Variants in PROKR1 observed in about 807,000 individuals in gnomAD.
PROKR1 encodes the protein prokineticin receptor 1.
A neutral mutation model predicts 22.8 loss-of-function variants in PROKR1; 21 were observed. That is an observed-to-expected ratio of 0.92 (90% confidence interval 0.65 to 1.32). The LOEUF (loss-of-function observed/expected upper bound fraction) is 1.32, where lower values mean the gene tolerates loss of function less well. PROKR1 is among the 40% of genes most tolerant of loss of function. The pLI is 0.00. For synonymous variants in PROKR1, 193 were observed against 207.5 expected (o/e 0.93, Z 0.60); for missense variants, 548 against 514.2 (o/e 1.07, Z -0.64).
chr2:68,653,141 G>C (rs1673370943), intron 2 of PROKR1, among the ~76,000 whole-genome samples: 1 of 152,334 alleles, frequency 6.6e-6, no homozygotes, highest in East Asian at 1.9e-4. Flanking sequence ...TACATCAGGA[G>C]CACCGCGATC....
chr2:68,649,893 C>G (rs1244626298), intron 2 of PROKR1, among the ~76,000 whole-genome samples: 1 of 151,886 alleles, frequency 6.6e-6, no homozygotes, highest in Non-Finnish European at 1.5e-5. Flanking sequence ...TCCATGTGGC[C>G]CGAGGGAAGT....
Position 68,645,685 on chromosome 2 carries a change from A to G in PROKR1, c.-137A>G. On this transcript the variant is annotated 5_prime_UTR_variant, in exon 2 of 3. Coordinates refer to ENST00000303786, the MANE Select transcript of PROKR1 (RefSeq NM_138964.4). Reference sequence around the variant, plus strand: ...AGGTTTAGAATGGAGCTCAGATACCATACCCCAAAGATGCTGGCAGAGACA... The same window carrying G: ...AGGTTTAGAATGGAGCTCAGATACCGTACCCCAAAGATGCTGGCAGAGACA... 1.6e-6 allele frequency: 2 copies of G among 1,226,802 alleles called. No individual in the cohort carries two copies. The highest frequency in any genetic ancestry group is 2.3e-6 in the Non-Finnish European group (2 of 851,626). 76.0% of individuals were successfully genotyped at this position (1,226,802 alleles called of 1,614,324 possible).
chr2:68,647,951 G>A (rs1006881693), intron 2 of PROKR1, among the ~76,000 whole-genome samples: 29 of 152,150 alleles, frequency 1.9e-4, no homozygotes, highest in Non-Finnish European at 2.6e-4. Context: ...TATCTACTTC[G>A]TAGGTTCCTT....
At chr2:68,650,631 G>A (rs530965192) in intron 2 of PROKR1, among the ~76,000 whole-genome samples, 43 of 152,176 alleles carry the variant, frequency 2.8e-4, no homozygotes, top group Non-Finnish European at 5.3e-4. Context: ...GAGAGTAAAA[G>A]GTTATAAAAG....
chr2:68,650,706 G>A (rs1413495249), intron 2 of PROKR1, among the ~76,000 whole-genome samples: 1 of 152,124 alleles, frequency 6.6e-6, no homozygotes, highest in Non-Finnish European at 1.5e-5. Flanking sequence ...GGTGGGACCA[G>A]GGAGAACTAA....
Position 68,645,698 on chromosome 2 carries a change from G to A in PROKR1, c.-124G>A, listed in dbSNP as rs987645480. The A allele has an allele frequency of 1.3e-5, 18 of 1,336,558 alleles. No homozygotes were observed. Among genetic ancestry groups the A allele is most frequent in the Non-Finnish European group, 1.9e-5 (18 of 942,680 alleles). The allele number at this position is 1,336,558 out of a possible 1,614,324, so 82.8% of individuals were successfully genotyped here. On this transcript the variant is annotated 5_prime_UTR_variant, in exon 2 of 3. An upstream start codon of the reference 5' UTR is lost. Transcript: ENST00000303786. Reference sequence around the variant, plus strand: ...AGCTCAGATACCATACCCCAAAGATGCTGGCAGAGACATTCTGACTCATTA... The same window carrying A: ...AGCTCAGATACCATACCCCAAAGATACTGGCAGAGACATTCTGACTCATTA...
At chr2:68,650,399 A>G (rs1044615136) in intron 2 of PROKR1, among the ~76,000 whole-genome samples, 14 of 152,148 alleles carry the variant, frequency 9.2e-5, no homozygotes, top group African/African-American at 3.1e-4. Flanking sequence ...GGCTTTTTAT[A>G]TATTAAAAAT....
chr2:68,655,654 C>A lies in PROKR1; in HGVS notation c.*78C>A. ...CTAGTGTGCTTGGATGCACATCAAC[C>A]TGGAACTTTTTGTTTGCTGCAGAGG... On this transcript the variant is annotated 3_prime_UTR_variant, in exon 3 of 3. Transcript: ENST00000303786. 7.0e-7 allele frequency: 1 copy of A among 1,419,752 alleles called. No individual in the cohort carries two copies. The highest frequency in any genetic ancestry group is 9.8e-7 in the Non-Finnish European group (1 of 1,024,518). 87.9% of individuals were successfully genotyped at this position (1,419,752 alleles called of 1,614,324 possible).
In PROKR1 at chr2:68,657,894, T is replaced by C. The variant is rs927281803; in HGVS notation, c.*2318T>C. On this transcript the variant is annotated 3_prime_UTR_variant, in exon 3 of 3. Transcript: ENST00000303786. The stretch of plus-strand genomic sequence containing the variant: ...TCTTGGAGAGTAAAATTAATTAAAA[T>C]ATTAGCCTAAATCAAAAATGCATTG... 2 of 152,224 alleles carry C rather than the reference T, an allele frequency of 1.3e-5. No homozygotes were observed. The highest frequency in any genetic ancestry group is 4.8e-5 in the African/African-American group (2 of 41,454). The allele number at this position is 152,224 out of a possible 1,614,324, so 9.4% of individuals were successfully genotyped here. A position where few individuals can be genotyped will look rare whatever the true frequency, so the allele number is the denominator to read the frequency against.
intron 2 of PROKR1, among the ~76,000 whole-genome samples, chr2:68,653,100 TTG>T (rs1673370282): frequency 6.6e-6 from 1 of 152,206 alleles, no homozygotes; most frequent in East Asian, 1.9e-4. Flanking sequence ...TCCATTTTCA[TTG>T]TGAGTCAGGG....
chr2:68,649,005 A>T (rs1673248675), intron 2 of PROKR1, among the ~76,000 whole-genome samples: 1 of 152,252 alleles, frequency 6.6e-6, no homozygotes, highest in East Asian at 1.9e-4. Flanking sequence ...AGCAATAAAT[A>T]AACAGTGGAT....
At chr2:68,648,354 A>G (rs1335189738) in intron 2 of PROKR1, among the ~76,000 whole-genome samples, 2 of 152,202 alleles carry the variant, frequency 1.3e-5, no homozygotes, top group Non-Finnish European at 2.9e-5. Flanking sequence ...TACCAAACAG[A>G]GCTTGTCTGA....
chr2:68,651,324 C>T (rs895805714), intron 2 of PROKR1, among the ~76,000 whole-genome samples: 9 of 152,190 alleles, frequency 5.9e-5, no homozygotes, highest in African/African-American at 2.2e-4. Context: ...TATCATGCCA[C>T]TGCACTCCAG....
In PROKR1 at chr2:68,653,916, T is replaced by C. The variant is rs1673389485; in HGVS notation, c.486-964T>C. On this transcript the variant is annotated intron_variant, in intron 2 of 2. Coordinates refer to ENST00000303786, the MANE Select transcript of PROKR1 (RefSeq NM_138964.4). The stretch of plus-strand genomic sequence containing the variant: ...AGAAAAAAAAATACATTCACGTATA[T>C]TCTCAATTGATTTTCACATCAATCC... Among the ~76,000 whole-genome samples, 5 of 152,308 alleles carry C rather than the reference T, an allele frequency of 3.3e-5. No homozygotes were observed. In the South Asian group the frequency reaches 6.2e-4, roughly 19 times the overall value.
Position 68,658,044 on chromosome 2 carries a change from G to C in PROKR1, c.*2468G>C, listed in dbSNP as rs1442223371. The C allele has an allele frequency of 6.6e-6, 1 of 152,162 alleles. No homozygotes were observed. Among genetic ancestry groups the C allele is most frequent in the Non-Finnish European group, 1.5e-5 (1 of 68,020 alleles). The allele number at this position is 152,162 out of a possible 1,614,324, so 9.4% of individuals were successfully genotyped here. On this transcript the variant is annotated 3_prime_UTR_variant, in exon 3 of 3. Coordinates refer to ENST00000303786, the MANE Select transcript of PROKR1 (RefSeq NM_138964.4). The stretch of plus-strand genomic sequence containing the variant: ...TCATTATGTTCACCGCTTTCATTAA[G>C]AATGCTAAACAAGAGTTGATTGTAT...
intron 2 of PROKR1, among the ~76,000 whole-genome samples, chr2:68,653,767 G>A (rs77383361): frequency 6.6e-6 from 1 of 152,014 alleles, no homozygotes; most frequent in Non-Finnish European, 1.5e-5. Context: ...GCCGCACAAT[G>A]ACTCATTTCC....
In PROKR1 at chr2:68,656,138, C is replaced by T; in HGVS notation, c.*562C>T. On this transcript the variant is annotated 3_prime_UTR_variant, in exon 3 of 3. Coordinates refer to ENST00000303786, the MANE Select transcript of PROKR1 (RefSeq NM_138964.4). ...TATTCATGGCCAAGTTCTGTGCAAA[C>T]TCTTCCTCCCACACTGCTCTATGGC... is the stretch of plus-strand genomic sequence containing the variant. The T allele has an allele frequency of 5.3e-6, 1 of 187,114 alleles. No individual in the cohort carries two copies. Among genetic ancestry groups the T allele is most frequent in the South Asian group, 1.1e-4 (1 of 9,284 alleles). 11.6% of individuals were successfully genotyped at this position (187,114 alleles called of 1,614,324 possible).
In PROKR1 at chr2:68,651,466, C is replaced by T. The variant is rs184666531; in HGVS notation, c.486-3414C>T. 2.8e-3 allele frequency among the ~76,000 whole-genome samples: 422 copies of T among 152,320 alleles called. 7 individuals are homozygous for T. Among genetic ancestry groups the T allele is most frequent in the African/African-American group, 9.6e-3 (399 of 41,566 alleles). On this transcript the variant is annotated intron_variant, in intron 2 of 2. Transcript: ENST00000303786. Reference sequence around the variant, plus strand: ...ATGTGGAGACACTAAGATCCCACAGCGTGTGGGGGCTCCAGAGAACTTCTC... The same window carrying T: ...ATGTGGAGACACTAAGATCCCACAGTGTGTGGGGGCTCCAGAGAACTTCTC...
chr2:68,653,750 C>T (rs557985596), intron 2 of PROKR1, among the ~76,000 whole-genome samples: 1 of 152,300 alleles, frequency 6.6e-6, no homozygotes. Context: ...AGGCTATCAG[C>T]TCTCATGCCG....
Sources: gnomAD v4.1 joint callset for allele counts (sites outside exome capture counted in the v4.1 genomes callset) on GRCh38, gnomAD v4.1.1 for gene constraint, MANE v1.5 for transcripts, NCBI Gene and HGNC (gene_info 2026-07-23, HGNC 2026-07-21) for gene names.